Variants in SRBD1 observed in about 807,000 individuals in gnomAD.
SRBD1 encodes the protein S1 RNA binding domain 1.
In SRBD1, 88 loss-of-function variants were observed where a neutral mutation model predicts 115.3. The ratio of observed to expected loss-of-function variants is 0.76; its 90% CI spans 0.64 to 0.91. SRBD1 has a LOEUF of 0.91. SRBD1 is among the 40% of genes least tolerant of loss of function. The pLI is 0.00. For missense variants in SRBD1, 1,385 were observed against 1,177.4 expected (o/e 1.18, Z -2.58); for synonymous variants, 509 against 407.7 (o/e 1.25, Z -2.99).
At chr2:45,391,920 C>T (rs1558547575) in intron 20 of SRBD1, among the ~76,000 whole-genome samples, 1 of 152,142 alleles carries the variant, frequency 6.6e-6, no homozygotes, top group Non-Finnish European at 1.5e-5. Context: ...ACCTCCAAAT[C>T]CAGTATTTTT....
At chr2:45,518,117 TG>T (rs1671175062) in intron 14 of SRBD1, among the ~76,000 whole-genome samples, 1 of 152,150 alleles carries the variant, frequency 6.6e-6, no homozygotes, top group African/African-American at 2.4e-5. Context: ...TGTCTTAAAA[TG>T]GGTAACATCC....
At chr2:45,502,003 C>G (rs546809114) in intron 14 of SRBD1, among the ~76,000 whole-genome samples, 1 of 152,274 alleles carries the variant, frequency 6.6e-6, no homozygotes, top group South Asian at 2.1e-4. Flanking sequence ...CAAGTGGGTC[C>G]CTGACCTCCG....
At chr2:45,603,986 T>C (rs569655734) in intron 2 of SRBD1, among the ~76,000 whole-genome samples, 1 of 152,262 alleles carries the variant, frequency 6.6e-6, no homozygotes, top group Non-Finnish European at 1.5e-5. Context: ...CTGTTCCTCT[T>C]CCAGTCTTTC....
intron 16 of SRBD1, chr2:45,447,610 G>C (rs963687131): frequency 1.1e-4 from 16 of 152,036 alleles, no homozygotes; most frequent in South Asian, 2.1e-4. Context: ...CTCCCAAATT[G>C]GTTTCTTTTG....
Position 45,591,556 on chromosome 2 carries a change from T to C in SRBD1, c.649-5782A>G, listed in dbSNP as rs79044218. Among the ~76,000 whole-genome samples, 8 of 152,292 alleles carry C rather than the reference T, an allele frequency of 5.3e-5. No individual in the cohort carries two copies. The East Asian group carries it at 1.5e-3, about 29-fold the overall frequency. ...AAAATGAACCCATTGGACAGTTACA[T>C]GTACAAGGAGTGTGAAGATCAGGTG... is the stretch of plus-strand genomic sequence containing the variant. On this transcript the variant is annotated intron_variant, in intron 4 of 20. Coordinates refer to ENST00000263736, the MANE Select transcript of SRBD1 (RefSeq NM_018079.5).
chr2:45,421,297 G>C (rs986390033), intron 16 of SRBD1, among the ~76,000 whole-genome samples: 1 of 151,842 alleles, frequency 6.6e-6, no homozygotes, highest in Non-Finnish European at 1.5e-5. Context: ...CACGAGCTCA[G>C]AAGATCGACA....
chr2:45,453,617 CA>C (rs200211270), intron 16 of SRBD1, among the ~76,000 whole-genome samples: 140 of 148,812 alleles, frequency 9.4e-4, no homozygotes, highest in Non-Finnish European at 1.4e-3. Flanking sequence ...TATTAAAACT[CA>C]AAAAAAAATA....
intron 16 of SRBD1, among the ~76,000 whole-genome samples, chr2:45,454,011 G>A (rs780669260): frequency 6.6e-6 from 1 of 151,814 alleles, no homozygotes; most frequent in Admixed American, 6.6e-5. Flanking sequence ...ACAGTCTTTC[G>A]AAGCAGAGTT....
At chr2:45,587,220 AAAT>A (rs1673577254) in intron 4 of SRBD1, among the ~76,000 whole-genome samples, 1 of 139,826 alleles carries the variant, frequency 7.2e-6, no homozygotes, top group South Asian at 2.3e-4. Context: ...AAAATATTAT[AAAT>A]ATTAAGATAT....
intron 15 of SRBD1, among the ~76,000 whole-genome samples, chr2:45,481,471 G>C (rs745329763): frequency 5.3e-5 from 8 of 152,068 alleles, no homozygotes; most frequent in African/African-American, 1.9e-4. Context: ...CTTAGGGAAC[G>C]TGTACATTTT....
At chr2:45,440,419 G>A (rs1237610556) in intron 16 of SRBD1, among the ~76,000 whole-genome samples, 1 of 152,128 alleles carries the variant, frequency 6.6e-6, no homozygotes, top group Non-Finnish European at 1.5e-5. Context: ...TGTCTGCCTT[G>A]CCCACATATT....
intron 7 of SRBD1, among the ~76,000 whole-genome samples, chr2:45,577,129 T>C (rs1394781751): frequency 1.3e-5 from 2 of 152,236 alleles, no homozygotes. Flanking sequence ...TGCCTTGAGC[T>C]ACTTCTAGAG....
chr2:45,438,534 T>C (rs557424460), intron 16 of SRBD1, among the ~76,000 whole-genome samples: 80 of 152,210 alleles, frequency 5.3e-4, no homozygotes, highest in African/African-American at 1.9e-3. Flanking sequence ...AGTAAAGGAA[T>C]TAAAGCTTTA....
rs1228126599 is a variant in SRBD1, at chr2:45,480,662, T to A, written c.1967-3587A>T. Among the ~76,000 whole-genome samples the A allele has an allele frequency of 1.2e-4, 18 of 152,302 alleles. No individual in the cohort carries two copies. The South Asian group carries it at 3.7e-3, about 32-fold the overall frequency. ...CTCCTGGTGAAGATGCTATGAACGTTGTGGAAATGATAAAAGATATCAAAT... is the reference window on the plus strand; with the variant it reads ...CTCCTGGTGAAGATGCTATGAACGTAGTGGAAATGATAAAAGATATCAAAT... On this transcript the variant is annotated intron_variant, in intron 15 of 20. Coordinates refer to ENST00000263736, the MANE Select transcript of SRBD1 (RefSeq NM_018079.5).
rs1339666579 is a variant in SRBD1, at chr2:45,599,547, T to C, written c.550A>G (p.Ile184Val). 3 of 1,614,120 alleles carry C rather than the reference T, an allele frequency of 1.9e-6. No homozygotes were observed. Among genetic ancestry groups the C allele is most frequent in the African/African-American group, 1.3e-5 (1 of 74,940 alleles). Residue 184 changes from isoleucine (I) to valine (V), a missense_variant, in exon 4 of 21, where the codon ATC becomes GTC. Ile to Val is a conservative substitution (Grantham distance 29, BLOSUM62 3). Transcript: ENST00000263736. ...FTFGQSALKK[I>V]KTETYPQGQP... ...CCCTGAGGATATGTCTCAGTCTTGA[T>C]TTTCTTTAAAGCGGACTGACCAAAT...
intron 14 of SRBD1, among the ~76,000 whole-genome samples, chr2:45,544,343 A>T (rs1172268933): frequency 1.3e-5 from 2 of 152,204 alleles, no homozygotes; most frequent in African/African-American, 4.8e-5. Flanking sequence ...GAGATACATA[A>T]CACATTCCAT....
chr2:45,493,386 G>A (rs1670357249), intron 14 of SRBD1, among the ~76,000 whole-genome samples: 1 of 152,168 alleles, frequency 6.6e-6, no homozygotes, highest in East Asian at 1.9e-4. Context: ...GAACAGTGGG[G>A]GCTCTGAGAT....
At chr2:45,537,011 A>T (rs1332205088) in intron 14 of SRBD1, among the ~76,000 whole-genome samples, 8 of 152,230 alleles carry the variant, frequency 5.3e-5, no homozygotes, top group Non-Finnish European at 1.0e-4. Flanking sequence ...TTACTGCATG[A>T]AATGCCCTCT....
At chr2:45,489,714 A>C (rs937378343) in intron 14 of SRBD1, among the ~76,000 whole-genome samples, 1 of 152,150 alleles carries the variant, frequency 6.6e-6, no homozygotes, top group African/African-American at 2.4e-5. Context: ...TTTGGGGATA[A>C]GTAGTATGCC....
Sources: allele counts gnomAD v4.1 joint callset (sites outside exome capture counted in the v4.1 genomes callset), GRCh38; gene constraint gnomAD v4.1.1; transcripts MANE v1.5; gene names NCBI Gene and HGNC (gene_info 2026-07-23, HGNC 2026-07-21).